The following CTIF variants were observed in gnomAD, a reference collection of about 807,000 sequenced individuals.
The protein encoded by CTIF is cap binding complex dependent translation initiation factor.
CTIF carries 21 observed loss-of-function variants against 66.0 expected under a neutral mutation model. The observed-to-expected ratio is 0.32, with a 90% CI of 0.23 to 0.46. CTIF has a LOEUF of 0.46. Among genes scored for constraint, CTIF ranks in the 20% least tolerant of loss-of-function variants. CTIF has a pLI of 1.00. For synonymous variants in CTIF, 345 were observed against 326.4 expected (o/e 1.06, Z -0.62); for missense variants, 739 against 812.7 (o/e 0.91, Z 1.10).
At chr18:48,612,482 C>T (rs1323624047) in intron 1 of CTIF, among the ~76,000 whole-genome samples, 1 of 152,180 alleles carries the variant, frequency 6.6e-6, no homozygotes, top group Non-Finnish European at 1.5e-5. Flanking sequence ...GGACCAGGGC[C>T]CGAAAGCCAG....
At chr18:48,652,134 A>G (rs1271225431) in intron 3 of CTIF, among the ~76,000 whole-genome samples, 1 of 152,370 alleles carries the variant, frequency 6.6e-6, no homozygotes, top group African/African-American at 2.4e-5. Context: ...AACTAAGATC[A>G]GAGCAGAACT....
chr18:48,853,237 A>G (rs1377822073), intron 10 of CTIF, among the ~76,000 whole-genome samples: 10 of 152,100 alleles, frequency 6.6e-5, no homozygotes, highest in Admixed American at 1.3e-4. Flanking sequence ...GCAAACAAGT[A>G]TATAATATGT....
At chr18:48,822,508 ACAC>A (rs2068505658) in intron 10 of CTIF, among the ~76,000 whole-genome samples, 2 of 25,682 alleles carry the variant, frequency 7.8e-5, no homozygotes, top group Admixed American at 2.7e-4. Context: ...CACCCCCAAC[ACAC>A]ACACACACAC....
chr18:48,624,316 A>G (rs2090554359), intron 2 of CTIF, among the ~76,000 whole-genome samples: 1 of 152,134 alleles, frequency 6.6e-6, no homozygotes, highest in Admixed American at 6.5e-5. Flanking sequence ...GAAATGGAGC[A>G]TGGCCAAACC....
At chr18:48,724,834 A>T (rs1227031473) in intron 7 of CTIF, among the ~76,000 whole-genome samples, 6 of 152,284 alleles carry the variant, frequency 3.9e-5, no homozygotes, top group African/African-American at 1.4e-4. Context: ...GGAGCCCAAA[A>T]CAGAAGCTGC....
At chr18:48,742,287 C>T (rs2092561478) in intron 7 of CTIF, among the ~76,000 whole-genome samples, 1 of 152,120 alleles carries the variant, frequency 6.6e-6, no homozygotes, top group Admixed American at 6.5e-5. Flanking sequence ...GGCGTGGGTG[C>T]TCATAGGGGA....
intron 10 of CTIF, among the ~76,000 whole-genome samples, chr18:48,842,384 C>T (rs924877674): frequency 9.9e-5 from 15 of 152,204 alleles, no homozygotes; most frequent in East Asian, 1.9e-4. Context: ...TTTCATAGAA[C>T]GCAGGCCTGT....
At chr18:48,695,400 GCA>G (rs2091992025) in intron 6 of CTIF, among the ~76,000 whole-genome samples, 1 of 152,130 alleles carries the variant, frequency 6.6e-6, no homozygotes, top group Non-Finnish European at 1.5e-5. Context: ...GGGAACCCAC[GCA>G]CACACTTCTG....
intron 1 of CTIF, among the ~76,000 whole-genome samples, chr18:48,607,723 T>C (rs1306734340): frequency 6.6e-6 from 1 of 152,124 alleles, no homozygotes; most frequent in Non-Finnish European, 1.5e-5. Flanking sequence ...CAGTGGGACA[T>C]CCCTGGGCTG....
At chr18:48,579,221 A>G (rs973940362) in intron 1 of CTIF, among the ~76,000 whole-genome samples, 1 of 152,114 alleles carries the variant, frequency 6.6e-6, no homozygotes, top group Non-Finnish European at 1.5e-5. Flanking sequence ...TCCGCCTCCC[A>G]GGTTCAAGTG....
chr18:48,844,599 G>T (rs2069028427), intron 10 of CTIF, among the ~76,000 whole-genome samples: 1 of 152,170 alleles, frequency 6.6e-6, no homozygotes, highest in South Asian at 2.1e-4. Flanking sequence ...AGTTAGGAGG[G>T]CTGGCAGCCA....
At chr18:48,563,669 G>C (rs1400108378) in intron 1 of CTIF, among the ~76,000 whole-genome samples, 2 of 152,180 alleles carry the variant, frequency 1.3e-5, no homozygotes, top group Non-Finnish European at 2.9e-5. Flanking sequence ...ACAGGGTTTG[G>C]CCATGTTGGC....
At chr18:48,673,906 C>T (rs1250854784) in intron 6 of CTIF, among the ~76,000 whole-genome samples, 1 of 152,128 alleles carries the variant, frequency 6.6e-6, no homozygotes, top group Admixed American at 6.5e-5. Flanking sequence ...GATTGGACAC[C>T]CCTGCTGTAT....
intron 2 of CTIF, among the ~76,000 whole-genome samples, chr18:48,623,009 G>T (rs2090524473): frequency 6.6e-6 from 1 of 152,264 alleles, no homozygotes; most frequent in Non-Finnish European, 1.5e-5. Flanking sequence ...TGTGCCCAGA[G>T]CAGCCAGCGG....
chr18:48,750,659 G>A (rs1216399376), intron 7 of CTIF, among the ~76,000 whole-genome samples: 4 of 152,218 alleles, frequency 2.6e-5, no homozygotes, highest in Non-Finnish European at 4.4e-5. Flanking sequence ...AGCCAAGGCT[G>A]GCTGGCCGGA....
chr18:48,609,419 C>T (rs886414889), intron 1 of CTIF, among the ~76,000 whole-genome samples: 1 of 152,162 alleles, frequency 6.6e-6, no homozygotes, highest in Non-Finnish European at 1.5e-5. Flanking sequence ...GTTGTGAAGT[C>T]GAGTGACAAT....
chr18:48,551,899 G>A (rs922966985), intron 1 of CTIF, among the ~76,000 whole-genome samples: 5 of 151,974 alleles, frequency 3.3e-5, no homozygotes, highest in Non-Finnish European at 5.9e-5. Flanking sequence ...CTGGGTTCAC[G>A]CCATTCTCCT....
At position 48,819,574 on chromosome 18, in the gene CTIF, A is replaced by G. The variant is rs563311560; in HGVS notation, c.1527+2198A>G. Among the ~76,000 whole-genome samples, 238 of 152,290 alleles carry G rather than the reference A, an allele frequency of 1.6e-3. 1 individual carries two copies. Among genetic ancestry groups the G allele is most frequent in the African/African-American group, 5.3e-3 (221 of 41,554 alleles). ...GGTAGTGCAAATATTCCAGTGTGAG[A>G]TCCGGAGGTGCCAGGAGATGTGTGC... is the stretch of plus-strand genomic sequence containing the variant. On this transcript the variant is annotated intron_variant, in intron 10 of 11. Transcript: ENST00000256413.
intron 11 of CTIF, among the ~76,000 whole-genome samples, chr18:48,858,385 G>T (rs116510788): frequency 6.6e-6 from 1 of 152,268 alleles, no homozygotes; most frequent in Admixed American, 6.5e-5. Context: ...CCCTACAGGG[G>T]GCTTGGGATT....
Sources: allele counts gnomAD v4.1 joint callset (sites outside exome capture counted in the v4.1 genomes callset), GRCh38; gene constraint gnomAD v4.1.1; transcripts MANE v1.5; gene names NCBI Gene and HGNC (gene_info 2026-07-23, HGNC 2026-07-21).